The following ABCB11 variants were observed in gnomAD, a reference collection of about 807,000 sequenced individuals.
ABCB11 encodes ATP binding cassette subfamily B member 11.
A neutral mutation model predicts 148.0 loss-of-function variants in ABCB11; 95 were observed. That is an observed-to-expected ratio of 0.64 (90% CI 0.54 to 0.76). ABCB11 has a LOEUF of 0.76. Among genes scored for constraint, ABCB11 ranks in the 30% least tolerant of loss-of-function variants. The pLI, the probability that ABCB11 is intolerant of heterozygous loss-of-function variation, is 0.00. For missense variants in ABCB11, 1,523 were observed against 1,617.8 expected (o/e 0.94, Z 1.01); for synonymous variants, 591 against 555.4 (o/e 1.06, Z -0.90).
At chr2:169,016,935 T>G in intron 2 of ABCB11, 136 bp from the exon 3 acceptor site, 1 of 674,046 alleles carries the variant, frequency 1.5e-6, no homozygotes, top group Non-Finnish European at 2.6e-6. Context: ...AATGACTATT[T>G]GCCTTTTCTT....
intron 1 of ABCB11, among the ~76,000 whole-genome samples, chr2:169,023,176 T>C (rs1049200411): frequency 2.0e-4 from 30 of 152,222 alleles, no homozygotes; most frequent in African/African-American, 5.8e-4. Context: ...AGGCTAAACA[T>C]GTTAATACCC....
In ABCB11 at chr2:168,986,134, T is replaced by C. The variant is rs764569354; in HGVS notation, c.1059A>G (p.Glu353=). ...YGSTLVLDEG[E]YTPGTLVQIF... is the part of the protein sequence containing the mutation. ...CCTGGACAAGGGTTCCTGGTGTATATTCTCCTTCATCCAGGACAAGTGTGG... is the reference window on the plus strand; with the variant it reads ...CCTGGACAAGGGTTCCTGGTGTATACTCTCCTTCATCCAGGACAAGTGTGG... Residue 353 remains glutamate, a synonymous_variant, in exon 10 of 28, where the codon GAA becomes GAG. Coordinates refer to ENST00000650372, the MANE Select transcript of ABCB11 (RefSeq NM_003742.4). The C allele has an allele frequency of 6.2e-7, 1 of 1,611,480 alleles. No individual in the cohort carries two copies. Among genetic ancestry groups the C allele is most frequent in the South Asian group, 1.1e-5 (1 of 90,754 alleles).
chr2:168,923,839 G>A lies in ABCB11; in HGVS notation c.3766-17C>T. ...CTGCACCGTCTGCAAAGAGAAGATG[G>A]AAAGTTGATGCAAAGATGCATGATT... On this transcript the variant is annotated splice_polypyrimidine_tract_variant and intron_variant, in intron 27 of 27. Transcript: ENST00000650372. The A allele has an allele frequency of 6.2e-7, 1 of 1,613,092 alleles. No individual in the cohort carries two copies. Among genetic ancestry groups the A allele is most frequent in the Non-Finnish European group, 8.5e-7 (1 of 1,179,238 alleles).
chr2:168,932,563 G>A (rs1187190471), intron 23 of ABCB11, 30 bp from the exon 24 acceptor site: 3 of 1,608,658 alleles, frequency 1.9e-6, no homozygotes, highest in Admixed American at 3.4e-5. Context: ...CAGGAAGAGA[G>A]CAGGGTGGCG....
chr2:169,027,963 C>T (rs1695751342), intron 1 of ABCB11, among the ~76,000 whole-genome samples: 1 of 152,092 alleles, frequency 6.6e-6, no homozygotes, highest in Non-Finnish European at 1.5e-5. Context: ...TCCTTCTGGG[C>T]TGAAAGATAC....
intron 5 of ABCB11, 61 bp from the exon 6 acceptor site, chr2:168,996,783 A>G: frequency 2.3e-6 from 2 of 860,000 alleles, no homozygotes; most frequent in South Asian, 4.7e-5. Context: ...CAGAGATTAC[A>G]TTTGTGGATA....
chr2:169,017,838 A>G (rs1695410970), intron 2 of ABCB11: 1 of 724,282 alleles, frequency 1.4e-6, no homozygotes, highest in Non-Finnish European at 2.5e-6. Flanking sequence ...TTTCATTTAC[A>G]CACACTTGGT....
chr2:169,020,508 A>G (rs928827244), intron 1 of ABCB11, among the ~76,000 whole-genome samples: 5 of 152,216 alleles, frequency 3.3e-5, no homozygotes, highest in African/African-American at 1.2e-4. Flanking sequence ...ATAAATGAAT[A>G]TTATTGAAAA....
Position 168,923,478 on chromosome 2 carries a change from G to A in ABCB11, c.*144C>T. The A allele has an allele frequency of 6.8e-6, 5 of 740,652 alleles. No homozygotes were observed. The highest frequency in any genetic ancestry group is 8.8e-6 in the Non-Finnish European group (4 of 452,182). The allele number at this position is 740,652 out of a possible 1,614,324, so 45.9% of individuals were successfully genotyped here. On this transcript the variant is annotated 3_prime_UTR_variant, in exon 28 of 28. Coordinates refer to ENST00000650372, the MANE Select transcript of ABCB11 (RefSeq NM_003742.4). Reference sequence around the variant, plus strand: ...GAAATTAGCTTGGATTCCGATGTAGGAAAATGACTGTAAAAGTAAAATATT... The same window carrying A: ...GAAATTAGCTTGGATTCCGATGTAGAAAAATGACTGTAAAAGTAAAATATT...
rs1691770024 is a variant in ABCB11 at position 168,935,350 on chromosome 2, C to T, written c.2890G>A (p.Glu964Lys). Residue 964 changes from glutamate to lysine, a missense_variant, in exon 23 of 28, where the codon GAG becomes AAG. Glu to Lys is a moderately conservative substitution (Grantham distance 56). Coordinates refer to ENST00000650372, the MANE Select transcript of ABCB11 (RefSeq NM_003742.4). ...GKERRFIEAL[E>K]TELEKPFKTA... ...TTGAAGGGCTTCTCCAGCTCAGTCT[C>T]AAGTGCTTCAATGAACCGCCTCTCC... is the stretch of plus-strand genomic sequence containing the variant. 1 of 1,613,900 alleles carries T rather than the reference C, an allele frequency of 6.2e-7. No individual in the cohort carries two copies. Among genetic ancestry groups the T allele is most frequent in the African/African-American group, 1.3e-5 (1 of 74,928 alleles).
In ABCB11 at chr2:169,018,149, G is replaced by A. The variant is rs753856998; in HGVS notation, c.-24C>T. 30 of 1,610,048 alleles carry A rather than the reference G, an allele frequency of 1.9e-5. No individual in the cohort carries two copies. Among genetic ancestry groups the A allele is most frequent in the African/African-American group, 2.7e-5 (2 of 74,908 alleles). On this transcript the variant is annotated 5_prime_UTR_variant, in exon 2 of 28. Transcript: ENST00000650372. Reference sequence around the variant, plus strand: ...ATGGTAATTGCAACCCACAGCCAACGACCCTATAAAATAAAATAAAAGAAT... The same window carrying A: ...ATGGTAATTGCAACCCACAGCCAACAACCCTATAAAATAAAATAAAAGAAT...
At chr2:169,000,023 A>C (rs1472774384) in intron 5 of ABCB11, among the ~76,000 whole-genome samples, 1 of 152,114 alleles carries the variant, frequency 6.6e-6, no homozygotes, top group Non-Finnish European at 1.5e-5. Flanking sequence ...CATTCCAATA[A>C]GTCTATAGTA....
rs553233088 is a variant in ABCB11 at position 168,995,569 on chromosome 2, A to G, written c.478-87T>C. 3 of 1,398,012 alleles carry G rather than the reference A, an allele frequency of 2.1e-6. No individual in the cohort carries two copies. The East Asian group carries it at 7.5e-5, about 35-fold the overall frequency. The allele number at this position is 1,398,012 out of a possible 1,614,324, so 86.6% of individuals were successfully genotyped here. ...TTCAGAAGAAAGTACTTTCAATACA[A>G]CAGTTGAGAAAAGGGGGAAAGTAAT... On this transcript the variant is annotated intron_variant, in intron 6 of 27. Coordinates refer to ENST00000650372, the MANE Select transcript of ABCB11 (RefSeq NM_003742.4).
chr2:169,007,689 C>T (rs1250669590), intron 5 of ABCB11, among the ~76,000 whole-genome samples: 1 of 152,066 alleles, frequency 6.6e-6, no homozygotes, highest in Non-Finnish European at 1.5e-5. Context: ...AAATTAAACA[C>T]TTTAGTGGTT....
intron 5 of ABCB11, among the ~76,000 whole-genome samples, chr2:169,009,652 A>G (rs1375222120): frequency 6.6e-6 from 1 of 151,960 alleles, no homozygotes; most frequent in East Asian, 1.9e-4. Flanking sequence ...TGGGTGCAGC[A>G]CACCAACATG....
At chr2:168,954,751 A>G (rs947634484) in intron 19 of ABCB11, among the ~76,000 whole-genome samples, 3 of 151,752 alleles carry the variant, frequency 2.0e-5, no homozygotes, top group African/African-American at 7.2e-5. Flanking sequence ...TGGACTTCTG[A>G]ACTGGTTGTC....
At position 168,968,420 on chromosome 2, in the gene ABCB11, A is replaced by C; in HGVS notation, c.2075+7T>G. ...AGCTTGTAATCTGCCCCATGGCTTG[A>C]GCTTACCTTAAACTATCCTGGTAGC... On this transcript the variant is annotated splice_region_variant and intron_variant, in intron 17 of 27. Transcript: ENST00000650372. The C allele has an allele frequency of 6.2e-7, 1 of 1,609,488 alleles. No individual in the cohort carries two copies. Among genetic ancestry groups the C allele is most frequent in the Non-Finnish European group, 8.5e-7 (1 of 1,177,716 alleles).
At chr2:169,004,873 A>G (rs180745436) in intron 5 of ABCB11, among the ~76,000 whole-genome samples, 2 of 152,094 alleles carry the variant, frequency 1.3e-5, no homozygotes, top group Non-Finnish European at 2.9e-5. Context: ...CCCTTCCCCT[A>G]TGAATGGGGC....
intron 19 of ABCB11, among the ~76,000 whole-genome samples, chr2:168,951,495 A>AT (rs899170924): frequency 1.3e-5 from 2 of 151,062 alleles, no homozygotes; most frequent in African/African-American, 2.4e-5. Context: ...ATTCCTAAGT[A>AT]TTTTTTTTGT....
Sources: gnomAD v4.1 joint callset for allele counts (sites outside exome capture counted in the v4.1 genomes callset) on GRCh38, gnomAD v4.1.1 for gene constraint, MANE v1.5 for transcripts, NCBI Gene and HGNC (gene_info 2026-07-23, HGNC 2026-07-21) for gene names.